Variants in FAM171A1 observed in about 807,000 individuals in gnomAD.
FAM171A1 encodes the protein protein FAM171A1.
Under a neutral mutation model 74.9 loss-of-function variants are expected in FAM171A1, and 23 were observed. That is an observed-to-expected ratio of 0.31 (90% confidence interval 0.22 to 0.44). The LOEUF (loss-of-function observed/expected upper bound fraction) is 0.44. Among genes scored for constraint, FAM171A1 ranks in the 20% least tolerant of loss-of-function variants. The pLI, the probability that FAM171A1 is intolerant of heterozygous loss-of-function variation, is 1.00. For missense variants in FAM171A1, 1,162 were observed against 1,159.2 expected (o/e 1.00, Z -0.03); for synonymous variants, 527 against 505.7 (o/e 1.04, Z -0.57).
Position 15,242,656 on chromosome 10 carries a change from T to C in FAM171A1, c.754+5983A>G, listed in dbSNP as rs558721935. Among the ~76,000 whole-genome samples, 5 of 152,178 alleles carry C rather than the reference T, an allele frequency of 3.3e-5. No individual in the cohort carries two copies. In the South Asian group the frequency reaches 6.2e-4, roughly 19 times the overall value. Reference sequence around the variant, plus strand: ...AATAAAACAAATTAGCCAGGTGTGGTGGTGTGTGCCTGTCGTCCCAGCTAC... The same window carrying C: ...AATAAAACAAATTAGCCAGGTGTGGCGGTGTGTGCCTGTCGTCCCAGCTAC... On this transcript the variant is annotated intron_variant, in intron 5 of 7. Coordinates refer to ENST00000378116, the MANE Select transcript of FAM171A1 (RefSeq NM_001010924.2).
At chr10:15,254,614 A>T in intron 4 of FAM171A1, 107 bp downstream of exon 4, 4 of 1,234,712 alleles carry the variant, frequency 3.2e-6, no homozygotes, top group African/African-American at 1.5e-5. Context: ...CTGCACCTTC[A>T]GTGCCTTTCT....
chr10:15,219,144 T>C (rs1834003999), intron 6 of FAM171A1, among the ~76,000 whole-genome samples: 1 of 152,044 alleles, frequency 6.6e-6, no homozygotes, highest in African/African-American at 2.4e-5. Context: ...TAGCCAGGTG[T>C]GGCGGCGGAG....
intron 3 of FAM171A1, among the ~76,000 whole-genome samples, chr10:15,272,772 C>G (rs1588525914): frequency 6.6e-6 from 1 of 152,240 alleles, no homozygotes; most frequent in African/African-American, 2.4e-5. Flanking sequence ...GGAATCTCAA[C>G]AACCTGCTCC....
intron 3 of FAM171A1, among the ~76,000 whole-genome samples, chr10:15,265,429 A>T (rs1209440471): frequency 6.6e-6 from 1 of 150,768 alleles, no homozygotes; most frequent in African/African-American, 2.5e-5. Flanking sequence ...CCTGGGCAAC[A>T]TGGTGAAACT....
intron 2 of FAM171A1, among the ~76,000 whole-genome samples, chr10:15,279,234 T>G (rs866099621): frequency 9.2e-5 from 14 of 152,370 alleles, no homozygotes; most frequent in South Asian, 2.1e-4. Flanking sequence ...AGGCAGCTGC[T>G]CTGGCAAATT....
chr10:15,228,336 ATT>A (rs71390021), intron 5 of FAM171A1, among the ~76,000 whole-genome samples: 76 of 123,916 alleles, frequency 6.1e-4, no homozygotes, highest in African/African-American at 8.5e-4. Flanking sequence ...AAGTGGGAGT[ATT>A]TTTTTTTTTT....
chr10:15,349,214 G>A (rs1835851509), intron 1 of FAM171A1, among the ~76,000 whole-genome samples: 1 of 152,160 alleles, frequency 6.6e-6, no homozygotes. Context: ...AGAAAATACA[G>A]AACAGGGCTA....
At chr10:15,272,909 T>G (rs1834845362) in intron 3 of FAM171A1, among the ~76,000 whole-genome samples, 1 of 152,220 alleles carries the variant, frequency 6.6e-6, no homozygotes, top group Non-Finnish European at 1.5e-5. Flanking sequence ...GAGAGAAATT[T>G]ATAGCACTAA....
At chr10:15,265,660 T>C (rs74228098) in intron 3 of FAM171A1, among the ~76,000 whole-genome samples, 16,488 of 150,826 alleles carry the variant, frequency 0.11, 1,077 homozygotes, top group Middle Eastern at 0.17. Context: ...GATTTTGATT[T>C]TTTTTTTTGT....
intron 1 of FAM171A1, among the ~76,000 whole-genome samples, chr10:15,360,430 T>G (rs1403862602): frequency 1.3e-5 from 2 of 152,256 alleles, no homozygotes; most frequent in African/African-American, 2.4e-5. Context: ...CATGCTTCCC[T>G]TTTTTCCCTC....
intron 4 of FAM171A1, among the ~76,000 whole-genome samples, chr10:15,249,869 T>G (rs940940591): frequency 1.3e-5 from 2 of 152,232 alleles, no homozygotes; most frequent in African/African-American, 4.8e-5. Flanking sequence ...TACATTTTCC[T>G]CTAGTGAAAT....
At chr10:15,301,362 A>ATATATATT (rs575709720) in intron 1 of FAM171A1, among the ~76,000 whole-genome samples, 5 of 141,564 alleles carry the variant, frequency 3.5e-5, no homozygotes, top group East Asian at 2.1e-4. Flanking sequence ...ATATATATAT[A>ATATATATT]TTTTTTTTTT....
At chr10:15,287,961 T>C (rs1835058112) in intron 1 of FAM171A1, among the ~76,000 whole-genome samples, 3 of 152,196 alleles carry the variant, frequency 2.0e-5, no homozygotes, top group South Asian at 2.1e-4. Context: ...TATCATTCTT[T>C]ATGTCTTTGC....
intron 1 of FAM171A1, among the ~76,000 whole-genome samples, chr10:15,320,414 T>C (rs538981814): frequency 5.3e-5 from 8 of 152,376 alleles, no homozygotes; most frequent in African/African-American, 1.7e-4. Context: ...CTATTGTGAA[T>C]AGTGCTGCGA....
At chr10:15,274,638 C>T (rs939346335) in intron 3 of FAM171A1, among the ~76,000 whole-genome samples, 10 of 152,180 alleles carry the variant, frequency 6.6e-5, no homozygotes, top group Non-Finnish European at 1.3e-4. Context: ...TCAAACTATA[C>T]TACAAGGTTA....
At chr10:15,249,548 G>C (rs908084530) in intron 4 of FAM171A1, among the ~76,000 whole-genome samples, 45 of 152,138 alleles carry the variant, frequency 3.0e-4, no homozygotes, top group African/African-American at 1.1e-3. Flanking sequence ...TTAATTACTT[G>C]GCAGATAACC....
intron 5 of FAM171A1, among the ~76,000 whole-genome samples, chr10:15,230,644 T>C (rs1834193281): frequency 9.0e-6 from 1 of 111,360 alleles, no homozygotes; most frequent in Non-Finnish European, 2.1e-5. Flanking sequence ...AAGCAACTGA[T>C]TTTTTTTTCT....
At chr10:15,329,627 T>TAA (rs11302159) in intron 1 of FAM171A1, among the ~76,000 whole-genome samples, 1 of 140,840 alleles carries the variant, frequency 7.1e-6, no homozygotes, top group East Asian at 2.1e-4. Context: ...CCATCTCACT[T>TAA]AAAAAAAAAA....
intron 3 of FAM171A1, among the ~76,000 whole-genome samples, chr10:15,262,085 A>G (rs1223900933): frequency 6.6e-6 from 1 of 152,236 alleles, no homozygotes; most frequent in Admixed American, 6.5e-5. Flanking sequence ...ACTGCACTCC[A>G]GTCCATGCAA....
Sources: gnomAD v4.1 joint callset for allele counts (sites outside exome capture counted in the v4.1 genomes callset) on GRCh38, gnomAD v4.1.1 for gene constraint, MANE v1.5 for transcripts, NCBI Gene and HGNC (gene_info 2026-07-23, HGNC 2026-07-21) for gene names.